ARHGAP17: variants seen among roughly 807,000 people sequenced by gnomAD.
ARHGAP17 encodes the protein rho GTPase-activating protein 17.
Under a neutral mutation model 99.5 loss-of-function variants are expected in ARHGAP17, and 57 were observed. The observed-to-expected ratio is 0.57, with a 90% confidence interval of 0.46 to 0.71. The LOEUF (loss-of-function observed/expected upper bound fraction) is 0.71, where lower values mean the gene tolerates loss of function less well. Ranked by LOEUF, ARHGAP17 falls within the 30% of genes least tolerant of loss-of-function variation. The pLI, the probability that ARHGAP17 is intolerant of heterozygous loss-of-function variation, is 0.00. For missense variants in ARHGAP17, 1,000 were observed against 1,122.4 expected, an observed-to-expected ratio of 0.89 and a Z score of 1.56; for synonymous variants, 417 against 429.6, an observed-to-expected ratio of 0.97 and a Z score of 0.36.
chr16:24,952,202 A>G (rs1478741464), intron 12 of ARHGAP17, 87 bp downstream of exon 12: 33 of 948,534 alleles, frequency 3.5e-5, no homozygotes, highest in Non-Finnish European at 5.0e-5. Context: ...TAATCTTATG[A>G]TCCCTGAGAA....
chr16:25,005,874 G>A (rs569703616), intron 1 of ARHGAP17, among the ~76,000 whole-genome samples: 18 of 152,200 alleles, frequency 1.2e-4, no homozygotes, highest in Admixed American at 3.9e-4. Context: ...ACATTATTGC[G>A]CAACATCACT....
chr16:24,963,126 T>C (rs1160762424), intron 7 of ARHGAP17, among the ~76,000 whole-genome samples: 1 of 152,228 alleles, frequency 6.6e-6, no homozygotes, highest in African/African-American at 2.4e-5. Context: ...AGACCAGATA[T>C]TAAGAAGACT....
intron 1 of ARHGAP17, among the ~76,000 whole-genome samples, chr16:24,981,513 T>A (rs1323206627): frequency 6.6e-6 from 1 of 152,200 alleles, no homozygotes; most frequent in African/African-American, 2.4e-5. Flanking sequence ...CAACAGACAG[T>A]AACTAATTTG....
At chr16:24,989,841 G>GT (rs1249788054) in intron 1 of ARHGAP17, among the ~76,000 whole-genome samples, 9 of 152,342 alleles carry the variant, frequency 5.9e-5, no homozygotes, top group African/African-American at 1.4e-4. Context: ...TAGAATTGTG[G>GT]TTATTAGAGG....
At chr16:24,976,518 G>A (rs2052521143) in intron 3 of ARHGAP17, among the ~76,000 whole-genome samples, 1 of 151,566 alleles carries the variant, frequency 6.6e-6, no homozygotes, top group African/African-American at 2.4e-5. Flanking sequence ...CATGGAGTGA[G>A]ACCCTGTCAG....
In ARHGAP17 at chr16:24,931,396, T is replaced by A; in HGVS notation, c.1903A>T (p.Lys635Ter). 6.6e-7 allele frequency: 1 copy of A among 1,505,844 alleles called. No homozygotes were observed. The highest frequency in any genetic ancestry group is 2.3e-5 in the East Asian group (1 of 43,018). The allele number at this position is 1,505,844 out of a possible 1,614,324, so 93.3% of individuals were successfully genotyped here. A position where few individuals can be genotyped will look rare whatever the true frequency, so the allele number is the denominator to read the frequency against. Reference protein sequence around the residue: ...SPHTLRRAVKKPAPAPPKPGN... With the variant: ...SPHTLRRAVK ...GGTTTCGGGGGTGCTGGAGCGGGTT[T>A]TTTAACAGCTGCACAAAAAGAGAAA... The change falls in exon 19 of 20, where the codon AAA (lysine) becomes TAA (stop). Residue 635 changes from lysine (K) to a stop codon, truncating the protein, a stop_gained. Transcript: ENST00000289968. LOFTEE classifies it high-confidence loss of function.
intron 19 of ARHGAP17, among the ~76,000 whole-genome samples, chr16:24,928,367 G>A (rs910656296): frequency 2.6e-5 from 4 of 152,040 alleles, no homozygotes; most frequent in Non-Finnish European, 5.9e-5. Flanking sequence ...TAGTATCTTC[G>A]GGAAACACAT....
At chr16:24,963,225 T>C (rs2052066444) in intron 7 of ARHGAP17, among the ~76,000 whole-genome samples, 1 of 152,242 alleles carries the variant, frequency 6.6e-6, no homozygotes, top group Non-Finnish European at 1.5e-5. Flanking sequence ...TTTATCTGAA[T>C]ATCATCTTTT....
intron 17 of ARHGAP17, chr16:24,936,087 A>G (rs1322771000): frequency 3.5e-6 from 1 of 288,080 alleles, no homozygotes; most frequent in Admixed American, 5.0e-5. Context: ...TAAATTGGGC[A>G]GTACTTAATA....
chr16:24,931,834 C>T (rs76811593), intron 18 of ARHGAP17, among the ~76,000 whole-genome samples: 2,105 of 152,144 alleles, frequency 0.014, 41 homozygotes, highest in African/African-American at 0.047. Context: ...GGTAATGAAC[C>T]GCAAGGTGCA....
At chr16:24,933,557 A>T (rs1184625635) in intron 18 of ARHGAP17, among the ~76,000 whole-genome samples, 2 of 152,154 alleles carry the variant, frequency 1.3e-5, no homozygotes, top group African/African-American at 4.8e-5. Context: ...GGAACTTTCA[A>T]CCCTGGAACT....
rs746646306 is a variant in ARHGAP17, at chr16:24,977,354, CCT to C, written c.94-37_94-36del. The C allele has an allele frequency of 1.7e-5, 26 of 1,523,844 alleles. No individual in the cohort carries two copies. In the African/African-American group the frequency reaches 3.0e-4, roughly 18 times the overall value. 94.4% of individuals were successfully genotyped at this position (1,523,844 alleles called of 1,614,324 possible). On this transcript the variant is annotated intron_variant, in intron 2 of 19. Transcript: ENST00000289968. ...CAGAGACAAAAGAGAACAAATTCAT[CCT>C]CTTTCTTTTGTGGTGTCTGCATGCT...
intron 1 of ARHGAP17, among the ~76,000 whole-genome samples, chr16:25,008,524 C>T (rs1476735001): frequency 6.6e-6 from 1 of 152,180 alleles, no homozygotes; most frequent in Non-Finnish European, 1.5e-5. Flanking sequence ...GAGAGTTTAA[C>T]ATTTTTACAT....
Position 24,959,935 on chromosome 16 carries a change from C to T in ARHGAP17, c.618G>A (p.Gly206=), listed in dbSNP as rs201422543. The T allele has an allele frequency of 1.9e-5, 30 of 1,614,028 alleles. No homozygotes were observed. Among genetic ancestry groups the T allele is most frequent in the Non-Finnish European group, 2.2e-5 (26 of 1,180,022 alleles). Residue 206 remains glycine, a synonymous_variant, in exon 8 of 20, where the codon GGG becomes GGA. Transcript: ENST00000289968. Reference sequence around the variant, plus strand: ...CCGTAACAAAGAATTTGCCATACTCCCCTTCTTTGGCCATAAAGTTGTACA... The same window carrying T: ...CCGTAACAAAGAATTTGCCATACTCTCCTTCTTTGGCCATAAAGTTGTACA... ...ADMYNFMAKE[G]EYGKFFVTLL... is the part of the protein sequence containing the mutation.
At chr16:24,920,578 T>TA (rs2050695328) in intron 19 of ARHGAP17, 1 of 270,760 alleles carries the variant, frequency 3.7e-6, no homozygotes, top group Non-Finnish European at 7.3e-6. Context: ...CCAAGACCTC[T>TA]AATGCATGAG....
intron 19 of ARHGAP17, among the ~76,000 whole-genome samples, chr16:24,926,606 G>C (rs868719758): frequency 1.3e-5 from 2 of 152,196 alleles, no homozygotes; most frequent in Admixed American, 6.6e-5. Context: ...ACATAAGAAG[G>C]GTGAGAGTTT....
chr16:24,968,431 A>C lies in ARHGAP17; in HGVS notation c.385-4T>G. On this transcript the variant is annotated splice_polypyrimidine_tract_variant and splice_region_variant and intron_variant, in intron 5 of 19. Transcript: ENST00000289968. ...TCTGGATGTTGGGAATCTCCACCTAAAAATAAGAACATACCAAATGGGATG... is the reference window on the plus strand; with the variant it reads ...TCTGGATGTTGGGAATCTCCACCTACAAATAAGAACATACCAAATGGGATG... 1.9e-6 allele frequency: 3 copies of C among 1,614,174 alleles called. No individual in the cohort carries two copies. The highest frequency in any genetic ancestry group is 2.5e-6 in the Non-Finnish European group (3 of 1,180,006).
chr16:24,989,481 A>C (rs980832512), intron 1 of ARHGAP17, among the ~76,000 whole-genome samples: 1 of 152,176 alleles, frequency 6.6e-6, no homozygotes, highest in African/African-American at 2.4e-5. Flanking sequence ...CCAGAGCTAC[A>C]CATGACAGTC....
intron 1 of ARHGAP17, among the ~76,000 whole-genome samples, chr16:25,014,587 A>G (rs1343683486): frequency 6.6e-6 from 1 of 152,258 alleles, no homozygotes; most frequent in Non-Finnish European, 1.5e-5. Context: ...CTAAATGTCA[A>G]GAACTGGCAG....
Sources: gnomAD v4.1 joint callset for allele counts (sites outside exome capture counted in the v4.1 genomes callset) on GRCh38, gnomAD v4.1.1 for gene constraint, MANE v1.5 for transcripts, NCBI Gene and HGNC (gene_info 2026-07-23, HGNC 2026-07-21) for gene names.